ARHGAP21: variants seen among roughly 807,000 people sequenced by gnomAD.
The protein encoded by ARHGAP21 is Rho GTPase activating protein 21, also known as rho GTPase-activating protein 21.
ARHGAP21 carries 38 observed loss-of-function variants against 164.6 expected under a neutral mutation model. The ratio of observed to expected loss-of-function variants is 0.23; its 90% CI spans 0.18 to 0.30. The LOEUF (loss-of-function observed/expected upper bound fraction) is 0.30. ARHGAP21 is among the 10% of genes least tolerant of loss of function. ARHGAP21 has a pLI of 1.00. For synonymous variants in ARHGAP21, 766 were observed against 857.9 expected, an observed-to-expected ratio of 0.89 and a Z score of 1.87; for missense variants, 1,822 against 2,370.7, an observed-to-expected ratio of 0.77 and a Z score of 4.81.
intron 9 of ARHGAP21, among the ~76,000 whole-genome samples, chr10:24,611,430 G>A (rs966409386): frequency 6.6e-6 from 1 of 152,198 alleles, no homozygotes; most frequent in Non-Finnish European, 1.5e-5. Context: ...CAGGCCAGGC[G>A]CGGTGGCTCA....
chr10:24,592,077 A>G, intron 21 of ARHGAP21, 65 bp from the exon 22 acceptor site: 1 of 1,342,236 alleles, frequency 7.5e-7, no homozygotes, highest in South Asian at 2.3e-5. Flanking sequence ...TGAAATTGCC[A>G]TTGTAGGATT....
intron 4 of ARHGAP21, among the ~76,000 whole-genome samples, chr10:24,662,057 T>C (rs1839751969): frequency 6.6e-6 from 1 of 152,166 alleles, no homozygotes; most frequent in Non-Finnish European, 1.5e-5. Context: ...CATTAAGCTT[T>C]GCAGGTCCAC....
At position 24,639,633 on chromosome 10, in the gene ARHGAP21, G is replaced by A. The variant is rs918188516; in HGVS notation, c.269-4530C>T. On this transcript the variant is annotated intron_variant, in intron 4 of 25. Coordinates refer to ENST00000396432, the MANE Select transcript of ARHGAP21 (RefSeq NM_020824.4). ...TATAGGGAAGTCAAGGAATACTGCC[G>A]GGGGAGGGGATAGGACGAGAAACAT... 9.9e-5 allele frequency among the ~76,000 whole-genome samples: 15 copies of A among 152,194 alleles called. 1 individual carries two copies. The highest frequency in any genetic ancestry group is 5.2e-4 in the Admixed American group (8 of 15,264).
chr10:24,689,992 T>C (rs914075202), intron 2 of ARHGAP21, among the ~76,000 whole-genome samples: 3 of 151,182 alleles, frequency 2.0e-5, no homozygotes, highest in Non-Finnish European at 2.9e-5. Context: ...AAAAAATACA[T>C]ACTTTAGGAA....
chr10:24,629,671 T>C (rs1016262597), intron 7 of ARHGAP21: 5 of 243,574 alleles, frequency 2.1e-5, no homozygotes, highest in Admixed American at 5.6e-5. Context: ...CCTGGGGATA[T>C]GCACTTGCAC....
In ARHGAP21 at chr10:24,619,633, C is replaced by T. The variant is rs1834345970; in HGVS notation, c.2262G>A (p.Gln754=). 6.2e-7 allele frequency: 1 copy of T among 1,614,180 alleles called. No individual in the cohort carries two copies. The highest frequency in any genetic ancestry group is 8.5e-7 in the Non-Finnish European group (1 of 1,180,032). ...GGTCATTTACTGCCAAGATGTAAGA[C>T]TGATGCCTTAAAGGCTGCGGTGTCT... ...GRQTPQPLRH[Q]SYILAVNDQE... The change falls in exon 9 of 26, where the codon CAG becomes CAA. Residue 754 remains glutamine, a synonymous_variant. Coordinates refer to ENST00000396432, the MANE Select transcript of ARHGAP21 (RefSeq NM_020824.4).
Position 24,641,268 on chromosome 10 carries a change from T to G in ARHGAP21, c.269-6165A>C, listed in dbSNP as rs935034767. ...TAAGCAGAATCCAATTTAAGAGGACTGCTGTGGCAGATTATTAGTCCTTTG... is the reference window on the plus strand; with the variant it reads ...TAAGCAGAATCCAATTTAAGAGGACGGCTGTGGCAGATTATTAGTCCTTTG... On this transcript the variant is annotated intron_variant, in intron 4 of 25. Coordinates refer to ENST00000396432, the MANE Select transcript of ARHGAP21 (RefSeq NM_020824.4). Among the ~76,000 whole-genome samples, 33 of 152,232 alleles carry G rather than the reference T, an allele frequency of 2.2e-4. 1 individual carries two copies. The highest frequency in any genetic ancestry group is 1.5e-5 in the Non-Finnish European group (1 of 68,046).
At chr10:24,591,788 T>C in intron 22 of ARHGAP21, 99 bp downstream of exon 22, 2 of 1,600,176 alleles carry the variant, frequency 1.2e-6, no homozygotes, top group Non-Finnish European at 8.5e-7. Flanking sequence ...GGAAAGATAT[T>C]ACAACCAACC....
chr10:24,620,320 A>C lies in ARHGAP21; in HGVS notation c.1575T>G (p.Thr525=), dbSNP rs781354918. The part of the protein sequence containing the change: ...IPDSNGEKKQ[T]YKWSGFTEQD... ...GTTCAGTAAACCCACTCCACTTGTAAGTCTGTTTTTTCTCTCCATTGGAAT... is the reference window on the plus strand; with the variant it reads ...GTTCAGTAAACCCACTCCACTTGTACGTCTGTTTTTTCTCTCCATTGGAAT... The change falls in exon 9 of 26, where the codon ACT becomes ACG. Residue 525 remains threonine, a synonymous_variant. Coordinates refer to ENST00000396432, the MANE Select transcript of ARHGAP21 (RefSeq NM_020824.4). 2 of 1,613,946 alleles carry C rather than the reference A, an allele frequency of 1.2e-6. No homozygotes were observed. Among genetic ancestry groups the C allele is most frequent in the South Asian group, 2.2e-5 (2 of 91,074 alleles).
At chr10:24,709,299 TA>T (rs1447971283) in intron 2 of ARHGAP21, among the ~76,000 whole-genome samples, 1 of 152,104 alleles carries the variant, frequency 6.6e-6, no homozygotes, top group African/African-American at 2.4e-5. Flanking sequence ...AGCTCAGGAC[TA>T]GATGGATTCA....
intron 2 of ARHGAP21, among the ~76,000 whole-genome samples, chr10:24,671,884 A>ATTTT (rs35692163): frequency 1.6e-4 from 13 of 82,542 alleles, no homozygotes; most frequent in East Asian, 3.6e-4. Context: ...CATCAAGCTA[A>ATTTT]TTTTTTTTTT....
intron 4 of ARHGAP21, among the ~76,000 whole-genome samples, chr10:24,652,912 AC>A (rs1388777672): frequency 1.3e-5 from 2 of 152,346 alleles, no homozygotes; most frequent in East Asian, 3.9e-4. Context: ...GCCTAGATAT[AC>A]ATACCCTCTA....
chr10:24,605,364 A>C (rs1349320066), intron 11 of ARHGAP21, among the ~76,000 whole-genome samples: 3 of 152,258 alleles, frequency 2.0e-5, no homozygotes, highest in Non-Finnish European at 4.4e-5. Flanking sequence ...ATGAGGAAAC[A>C]TACAGTCCTG....
chr10:24,663,585 G>A (rs1410597116), intron 4 of ARHGAP21, among the ~76,000 whole-genome samples: 2 of 152,188 alleles, frequency 1.3e-5, no homozygotes, highest in Non-Finnish European at 2.9e-5. Context: ...TTGGAGTGCA[G>A]TGGTGCAATC....
At chr10:24,717,911 A>G (rs1027329342) in intron 2 of ARHGAP21, among the ~76,000 whole-genome samples, 1 of 152,156 alleles carries the variant, frequency 6.6e-6, no homozygotes, top group Admixed American at 6.6e-5. Context: ...TATTTTTAGT[A>G]GGGACCGGGT....
chr10:24,660,078 C>A (rs1297720967), intron 4 of ARHGAP21, among the ~76,000 whole-genome samples: 1 of 152,150 alleles, frequency 6.6e-6, no homozygotes, highest in African/African-American at 2.4e-5. Flanking sequence ...CATCATTATT[C>A]TTCCTACTTC....
chr10:24,688,408 A>G (rs890964497), intron 2 of ARHGAP21, among the ~76,000 whole-genome samples: 3 of 152,088 alleles, frequency 2.0e-5, no homozygotes, highest in African/African-American at 7.2e-5. Flanking sequence ...AAAAAATTCA[A>G]TTTGGTTATT....
intron 7 of ARHGAP21, among the ~76,000 whole-genome samples, chr10:24,623,240 G>A (rs1011620156): frequency 6.6e-6 from 1 of 152,152 alleles, no homozygotes; most frequent in Non-Finnish European, 1.5e-5. Flanking sequence ...GCAGACTGCA[G>A]CTGCCTTTAC....
intron 5 of ARHGAP21, 86 bp downstream of exon 5, chr10:24,634,925 A>G: frequency 1.9e-6 from 2 of 1,073,370 alleles, no homozygotes; most frequent in Non-Finnish European, 2.6e-6. Context: ...GAAAGATACA[A>G]AAGGAAAAAA....
Sources: gnomAD v4.1 joint callset for allele counts (sites outside exome capture counted in the v4.1 genomes callset) on GRCh38, gnomAD v4.1.1 for gene constraint, MANE v1.5 for transcripts, NCBI Gene and HGNC (gene_info 2026-07-23, HGNC 2026-07-21) for gene names.